TMEM260: variants seen among roughly 807,000 people sequenced by gnomAD.
TMEM260 encodes the protein transmembrane protein 260, also known as protein O-mannosyl-transferase TMEM260.
Under a neutral mutation model 88.9 loss-of-function variants are expected in TMEM260, and 82 were observed. That is an observed-to-expected ratio of 0.92 (90% CI 0.77 to 1.11). The LOEUF is 1.11. Among genes scored for constraint, TMEM260 ranks in the 50% least tolerant of loss-of-function variants. TMEM260 has a pLI of 0.00. For missense variants in TMEM260, 902 were observed against 853.4 expected, an observed-to-expected ratio of 1.06 and a Z score of -0.71; for synonymous variants, 314 against 309.3, an observed-to-expected ratio of 1.02 and a Z score of -0.16.
At chr14:56,609,356 T>TA in intron 6 of TMEM260, 71 bp downstream of exon 6, 3 of 1,386,478 alleles carry the variant, frequency 2.2e-6, no homozygotes, top group Non-Finnish European at 2.0e-6. Context: ...GGGCCTTGAT[T>TA]AAAAAAACAA....
At chr14:56,583,613 A>C (rs1356213234) in intron 1 of TMEM260, among the ~76,000 whole-genome samples, 1 of 152,128 alleles carries the variant, frequency 6.6e-6, no homozygotes, top group African/African-American at 2.4e-5. Flanking sequence ...TAAAGTGCTA[A>C]ATAGACTCAA....
intron 12 of TMEM260, among the ~76,000 whole-genome samples, chr14:56,631,739 T>C (rs1888620403): frequency 6.6e-6 from 1 of 152,212 alleles, no homozygotes; most frequent in Admixed American, 6.5e-5. Flanking sequence ...TAAACTCTGC[T>C]GTTTTGCCTC....
intron 15 of TMEM260, among the ~76,000 whole-genome samples, chr14:56,645,465 G>C (rs1889898831): frequency 6.6e-6 from 1 of 150,892 alleles, no homozygotes; most frequent in Admixed American, 6.7e-5. Flanking sequence ...GACACAGGAA[G>C]GGGAACATCA....
chr14:56,661,431 A>G, the TMEM260 span, among the ~76,000 whole-genome samples: 1 of 151,946 alleles, frequency 6.6e-6, no homozygotes, highest in East Asian at 1.9e-4. Context: ...TGAATTTTGT[A>G]CCATGAGCAA....
intron 1 of TMEM260, among the ~76,000 whole-genome samples, chr14:56,581,994 T>C (rs1257423990): frequency 6.6e-6 from 1 of 152,234 alleles, no homozygotes; most frequent in Non-Finnish European, 1.5e-5. Flanking sequence ...TACCAAACTT[T>C]AGGTGCTTTA....
chr14:56,646,754 T>C lies in TMEM260; in HGVS notation c.1870-489T>C, dbSNP rs577339419. On this transcript the variant is annotated intron_variant, in intron 15 of 15. Coordinates refer to ENST00000261556, the MANE Select transcript of TMEM260 (RefSeq NM_017799.4). ...GTTTTATCGTTGCTAGTGTTGTTAG[T>C]GTTGTTTTTAATGTAGAGAGAAATT... Among the ~76,000 whole-genome samples the C allele has an allele frequency of 1.3e-3, 194 of 152,304 alleles. 1 individual carries two copies. Among genetic ancestry groups the C allele is most frequent in the African/African-American group, 4.4e-3 (183 of 41,582 alleles).
chr14:56,615,024 G>A (rs1887515625), intron 7 of TMEM260, among the ~76,000 whole-genome samples: 1 of 152,170 alleles, frequency 6.6e-6, no homozygotes, highest in African/African-American at 2.4e-5. Flanking sequence ...TTAAGCAATA[G>A]ATCTCCAAGA....
At position 56,633,050 on chromosome 14, in the gene TMEM260, A is replaced by G. The variant is rs1422270836; in HGVS notation, c.1603A>G (p.Asn535Asp). Residue 535 changes from asparagine (N) to aspartate (D), a missense_variant, in exon 13 of 16, where the codon AAC (asparagine) becomes GAC (aspartate). Asn to Asp is a conservative substitution (Grantham distance 23, BLOSUM62 1). Coordinates refer to ENST00000261556, the MANE Select transcript of TMEM260 (RefSeq NM_017799.4). ...IHEGDPTWKK[N>D]YSLWPWGSCD... ...TGAAGGCGACCCAACCTGGAAAAAG[A>G]ACTATTCACTTTGGCCATGGGGGTC... is the stretch of plus-strand genomic sequence containing the variant. 1.2e-6 allele frequency: 2 copies of G among 1,613,974 alleles called. No homozygotes were observed. Among genetic ancestry groups the G allele is most frequent in the Non-Finnish European group, 1.7e-6 (2 of 1,179,970 alleles).
At chr14:56,593,154 C>T (rs563402948) in intron 3 of TMEM260, 12 of 152,322 alleles carry the variant, frequency 7.9e-5, no homozygotes, top group African/African-American at 2.9e-4. Flanking sequence ...ACTATGCAAT[C>T]AGTACCTTTC....
chr14:56,585,309 A>T (rs575366221), intron 2 of TMEM260, among the ~76,000 whole-genome samples: 1 of 152,272 alleles, frequency 6.6e-6, no homozygotes, highest in African/African-American at 2.4e-5. Flanking sequence ...TAACAGTTTT[A>T]ATAAGTTTAT....
intron 12 of TMEM260, among the ~76,000 whole-genome samples, chr14:56,626,656 A>G: frequency 6.6e-6 from 1 of 152,208 alleles, no homozygotes; most frequent in East Asian, 1.9e-4. Flanking sequence ...CTGACAACAT[A>G]TGCCAAGTAT....
At chr14:56,631,083 C>A (rs1888560594) in intron 12 of TMEM260, among the ~76,000 whole-genome samples, 2 of 152,036 alleles carry the variant, frequency 1.3e-5, no homozygotes, top group African/African-American at 2.4e-5. Context: ...AAGGAGAGAC[C>A]AAGGCACATT....
intron 8 of TMEM260, chr14:56,616,272 A>G (rs1887589178): frequency 2.8e-6 from 1 of 354,918 alleles, no homozygotes; most frequent in Non-Finnish European, 5.1e-6. Flanking sequence ...CCTAAACTTC[A>G]GGTTTGATCC....
At chr14:56,651,650 C>G (rs546992878), downstream of TMEM260, among the ~76,000 whole-genome samples, 1 of 152,318 alleles carries the variant, frequency 6.6e-6, no homozygotes, top group South Asian at 2.1e-4. Flanking sequence ...GGGCTATACT[C>G]CTATCCCAGT....
At chr14:56,620,481 C>T (rs542581541) in intron 10 of TMEM260, among the ~76,000 whole-genome samples, 197 of 152,330 alleles carry the variant, frequency 1.3e-3, no homozygotes, top group Admixed American at 2.0e-3. Flanking sequence ...TCTCCTGGCT[C>T]AGGCCATTAG....
downstream of TMEM260, among the ~76,000 whole-genome samples, chr14:56,653,741 C>CAAAAAACA (rs57277000): frequency 5.1e-5 from 5 of 97,912 alleles, no homozygotes; most frequent in African/African-American, 2.0e-4. Context: ...GTCTCCAAAA[C>CAAAAAACA]AAAAAAAAAA....
At chr14:56,626,527 T>C (rs1432245664) in intron 12 of TMEM260, among the ~76,000 whole-genome samples, 1 of 152,170 alleles carries the variant, frequency 6.6e-6, no homozygotes, top group Non-Finnish European at 1.5e-5. Context: ...TATACATACA[T>C]AGATGTGAAT....
chr14:56,620,531 A>T (rs1028232410), intron 10 of TMEM260, among the ~76,000 whole-genome samples: 2 of 152,194 alleles, frequency 1.3e-5, no homozygotes, highest in African/African-American at 4.8e-5. Flanking sequence ...TGCACAGGCT[A>T]GGTGTTTTTA....
At position 56,629,697 on chromosome 14, in the gene TMEM260, G is replaced by A. The variant is rs544167742; in HGVS notation, c.1548-3298G>A. On this transcript the variant is annotated intron_variant, in intron 12 of 15. Transcript: ENST00000261556. ...ATCTTCCTGTTTGAAGGATATTTGT[G>A]GAAATAGATTCTGGGTTGATAATAC... Among the ~76,000 whole-genome samples the A allele has an allele frequency of 8.5e-4, 129 of 152,148 alleles. 1 individual carries two copies. In the Middle Eastern group the frequency reaches 0.014, roughly 16 times the overall value.
Sources: gnomAD v4.1 joint callset for allele counts (sites outside exome capture counted in the v4.1 genomes callset) on GRCh38, gnomAD v4.1.1 for gene constraint, MANE v1.5 for transcripts, NCBI Gene and HGNC (gene_info 2026-07-23, HGNC 2026-07-21) for gene names.